INSC: variants seen among roughly 807,000 people sequenced by gnomAD.
INSC encodes protein inscuteable homolog.
In INSC, 67 loss-of-function variants were observed where a neutral mutation model predicts 58.6. That is an observed-to-expected ratio of 1.14 (90% CI 0.94 to 1.40). The LOEUF (loss-of-function observed/expected upper bound fraction) is 1.40. INSC is among the 40% of genes most tolerant of loss of function. INSC has a pLI of 0.00. For synonymous variants in INSC, 262 were observed against 276.1 expected, an observed-to-expected ratio of 0.95 and a Z score of 0.51; for missense variants, 714 against 692.0, an observed-to-expected ratio of 1.03 and a Z score of -0.36.
intron 2 of INSC, among the ~76,000 whole-genome samples, chr11:15,164,183 C>T (rs1612783): frequency 0.4 from 60,584 of 151,860 alleles, 13,217 homozygotes; most frequent in East Asian, 0.85. Context: ...TATTATTCTG[C>T]TCTTTATTCT....
At chr11:15,255,209 T>C in the INSC span, among the ~76,000 whole-genome samples, 2 of 152,162 alleles carry the variant, frequency 1.3e-5, no homozygotes, top group Admixed American at 1.3e-4. Flanking sequence ...TCACTATATA[T>C]GATCTTAAAA....
At chr11:15,206,579 C>T (rs916672117) in intron 7 of INSC, among the ~76,000 whole-genome samples, 11 of 152,092 alleles carry the variant, frequency 7.2e-5, no homozygotes, top group Non-Finnish European at 1.2e-4. Flanking sequence ...CACAGTCCAG[C>T]GAGAGCAGAT....
At chr11:15,248,666 G>A (rs559414944), downstream of INSC, among the ~76,000 whole-genome samples, 37 of 152,286 alleles carry the variant, frequency 2.4e-4, 1 homozygote, top group South Asian at 5.6e-3. Flanking sequence ...CTAGTTGGTC[G>A]CTAATATCAC....
chr11:15,124,198 C>A (rs146803806), intron 1 of INSC, among the ~76,000 whole-genome samples: 1 of 152,204 alleles, frequency 6.6e-6, no homozygotes, highest in African/African-American at 2.4e-5. Flanking sequence ...CTGTATCCCT[C>A]TTTTCTATGG....
At chr11:15,191,795 T>C (rs1299821284) in intron 6 of INSC, among the ~76,000 whole-genome samples, 1 of 152,178 alleles carries the variant, frequency 6.6e-6, no homozygotes, top group Admixed American at 6.5e-5. Flanking sequence ...CTTAGTCTCT[T>C]TTTGTGTCCG....
downstream of INSC, among the ~76,000 whole-genome samples, chr11:15,251,219 A>G (rs560869274): frequency 6.6e-6 from 1 of 152,338 alleles, no homozygotes; most frequent in African/African-American, 2.4e-5. Flanking sequence ...AAGTAATCCA[A>G]CTGGAAAGCT....
chr11:15,234,030 GTAAA>G (rs1353966122), intron 9 of INSC, among the ~76,000 whole-genome samples: 1 of 152,150 alleles, frequency 6.6e-6, no homozygotes, highest in African/African-American at 2.4e-5. Flanking sequence ...GCAAAAACAA[GTAAA>G]TAAATACGTA....
At chr11:15,222,908 T>C (rs1377992667) in intron 8 of INSC, among the ~76,000 whole-genome samples, 1 of 152,198 alleles carries the variant, frequency 6.6e-6, no homozygotes, top group Admixed American at 6.5e-5. Context: ...CTAAGCATAC[T>C]CTCTAGGTGA....
intron 2 of INSC, among the ~76,000 whole-genome samples, chr11:15,157,600 G>A (rs573183129): frequency 7.2e-5 from 11 of 152,304 alleles, no homozygotes; most frequent in African/African-American, 2.6e-4. Context: ...AATCCAGTAG[G>A]AGAGGTGGAG....
chr11:15,221,326 G>A, intron 7 of INSC, 151 bp from the exon 8 acceptor site: 2 of 841,514 alleles, frequency 2.4e-6, no homozygotes, highest in Non-Finnish European at 3.7e-6. Context: ...TCACTGGATT[G>A]TCCCTGGTTC....
chr11:15,249,902 T>C (rs1852632533), downstream of INSC, among the ~76,000 whole-genome samples: 1 of 152,232 alleles, frequency 6.6e-6, no homozygotes, highest in African/African-American at 2.4e-5. Context: ...AAGTCCTCAC[T>C]GGTCAGGTGC....
In INSC at chr11:15,229,979, TTATATA is replaced by T. The variant is rs1194544781; in HGVS notation, c.1170+4180_1170+4185del. Among the ~76,000 whole-genome samples the T allele has an allele frequency of 4.9e-3, 161 of 32,856 alleles. 2 individuals are homozygous for T. Among genetic ancestry groups the T allele is most frequent in the African/African-American group, 9.1e-3 (75 of 8,282 alleles). The allele number at this position is 32,856 out of a possible 152,430, so 21.6% of individuals were successfully genotyped here. The stretch of plus-strand genomic sequence containing the variant: ...ATATATTTATATATATATATATATA[TTATATA>T]TATATATATATATATATATATATAT... On this transcript the variant is annotated intron_variant, in intron 9 of 12. Transcript: ENST00000379556.
intron 5 of INSC, among the ~76,000 whole-genome samples, chr11:15,179,958 T>C (rs1346205384): frequency 6.6e-6 from 1 of 152,182 alleles, no homozygotes; most frequent in African/African-American, 2.4e-5. Flanking sequence ...CCAGGTTCAA[T>C]TAAAAGGGCT....
Position 15,241,645 on chromosome 11 carries a change from G to A in INSC, c.1470+1122G>A, listed in dbSNP as rs376582286. ...GTGGTTTTTATTTTGGCACATTCAA[G>A]GTAATCTTAATCTTTTTGTATCTTT... is the stretch of plus-strand genomic sequence containing the variant. On this transcript the variant is annotated intron_variant, in intron 12 of 12. Transcript: ENST00000379556. 2.2e-4 allele frequency: 156 copies of A among 702,884 alleles called. 1 individual carries two copies. The East Asian group carries it at 3.4e-3, about 15-fold the overall frequency. The allele number at this position is 702,884 out of a possible 1,614,324, so 43.5% of individuals were successfully genotyped here. A position where few individuals can be genotyped will look rare whatever the true frequency, so the allele number is the denominator to read the frequency against.
chr11:15,225,574 ATT>A, intron 8 of INSC, 74 bp from the exon 9 acceptor site: 7 of 1,420,436 alleles, frequency 4.9e-6, no homozygotes, highest in Non-Finnish European at 6.8e-6. Flanking sequence ...TCCCAGAGGT[ATT>A]GTGTGAACCA....
chr11:15,178,244 T>C, intron 4 of INSC, 80 bp from the exon 5 acceptor site: 1 of 1,563,842 alleles, frequency 6.4e-7, no homozygotes, highest in East Asian at 2.3e-5. Context: ...TTGTAGCAGG[T>C]CCAGTTCTGG....
chr11:15,251,601 A>G (rs1027874976), downstream of INSC, among the ~76,000 whole-genome samples: 1 of 152,216 alleles, frequency 6.6e-6, no homozygotes. Context: ...ATTTGAATAG[A>G]TATCTCTCCA....
intron 1 of INSC, among the ~76,000 whole-genome samples, chr11:15,118,091 GCCCTC>G (rs1175669133): frequency 1.3e-5 from 2 of 152,184 alleles, no homozygotes; most frequent in Non-Finnish European, 2.9e-5. Flanking sequence ...TTGGATCTGA[GCCCTC>G]CCCCAGTATG....
chr11:15,112,506 G>A (rs901409006), upstream of INSC: 21 of 1,612,622 alleles, frequency 1.3e-5, no homozygotes, highest in Admixed American at 1.2e-4. Context: ...GGCGGCCAGC[G>A]AAGGTCCAGG....
Sources: gnomAD v4.1 joint callset for allele counts (sites outside exome capture counted in the v4.1 genomes callset) on GRCh38, gnomAD v4.1.1 for gene constraint, MANE v1.5 for transcripts, NCBI Gene and HGNC (gene_info 2026-07-23, HGNC 2026-07-21) for gene names.